FILIP1L: variants seen among roughly 807,000 people sequenced by gnomAD.
FILIP1L encodes filamin A interacting protein 1 like, also known as filamin A-interacting protein 1-like.
FILIP1L carries 55 observed loss-of-function variants against 96.6 expected under a neutral mutation model. The ratio of observed to expected loss-of-function variants is 0.57; its 90% CI spans 0.46 to 0.71. FILIP1L has a LOEUF of 0.71. Among genes scored for constraint, FILIP1L ranks in the 30% least tolerant of loss-of-function variants. The probability of loss-of-function intolerance (pLI) is 0.00; values close to 1 mark genes in which losing one functional copy is unlikely to be tolerated. For synonymous variants in FILIP1L, 467 were observed against 473.9 expected, an observed-to-expected ratio of 0.99 and a Z score of 0.19; for missense variants, 1,304 against 1,321.2, an observed-to-expected ratio of 0.99 and a Z score of 0.20.
At chr3:99,876,149 G>C in intron 4 of FILIP1L, 1 of 986,112 alleles carries the variant, frequency 1.0e-6, no homozygotes, top group Non-Finnish European at 1.2e-6. Flanking sequence ...GACTGTGCGC[G>C]CTCCGAGAGT....
At chr3:99,975,829 C>G (rs1355933968) in intron 1 of FILIP1L, among the ~76,000 whole-genome samples, 4 of 152,158 alleles carry the variant, frequency 2.6e-5, no homozygotes, top group African/African-American at 9.7e-5. Context: ...TTAGAACAAT[C>G]AACAGCATCC....
At chr3:100,091,284 C>CAAAAAA (rs570908389) in intron 1 of FILIP1L, among the ~76,000 whole-genome samples, 2 of 59,100 alleles carry the variant, frequency 3.4e-5, no homozygotes, top group African/African-American at 6.1e-5. Context: ...GACTCCGTCT[C>CAAAAAA]AAAAAAAAAA....
intron 1 of FILIP1L, among the ~76,000 whole-genome samples, chr3:99,997,003 C>T (rs1709704995): frequency 6.6e-6 from 1 of 152,100 alleles, no homozygotes. Context: ...ACAAGCAGTG[C>T]TAAATGGAAA....
At chr3:99,986,080 T>C (rs941360592) in intron 1 of FILIP1L, among the ~76,000 whole-genome samples, 11 of 152,192 alleles carry the variant, frequency 7.2e-5, no homozygotes, top group African/African-American at 2.7e-4. Context: ...CTATAAGATA[T>C]TAAAATTTAT....
At chr3:99,875,594 G>A (rs1346195338) in intron 4 of FILIP1L, among the ~76,000 whole-genome samples, 1 of 152,172 alleles carries the variant, frequency 6.6e-6, no homozygotes, top group African/African-American at 2.4e-5. Context: ...ATTCCAAGAT[G>A]TATTCCTAAC....
intron 5 of FILIP1L, among the ~76,000 whole-genome samples, chr3:99,842,527 C>T (rs1378235066): frequency 1.3e-5 from 2 of 149,338 alleles, no homozygotes; most frequent in Non-Finnish European, 3.0e-5. Flanking sequence ...AAAAGATGGT[C>T]TCAGGTAACC....
chr3:99,844,273 T>C (rs991712231), intron 5 of FILIP1L, among the ~76,000 whole-genome samples: 6 of 152,168 alleles, frequency 3.9e-5, no homozygotes, highest in African/African-American at 1.4e-4. Flanking sequence ...GAGGTTCTCA[T>C]TGGATAGCTC....
intron 1 of FILIP1L, among the ~76,000 whole-genome samples, chr3:100,069,234 G>A (rs183144847): frequency 2.6e-4 from 40 of 152,206 alleles, no homozygotes; most frequent in African/African-American, 9.6e-4. Flanking sequence ...TCTGCACATG[G>A]ATGTTAGTTG....
intron 1 of FILIP1L, among the ~76,000 whole-genome samples, chr3:100,067,276 T>A (rs2065682928): frequency 6.6e-6 from 1 of 152,220 alleles, no homozygotes; most frequent in Admixed American, 6.5e-5. Flanking sequence ...TGACCTTTTC[T>A]CTCTTCTTGG....
intron 1 of FILIP1L, among the ~76,000 whole-genome samples, chr3:99,936,153 T>C (rs1707658892): frequency 6.6e-6 from 1 of 152,104 alleles, no homozygotes; most frequent in Non-Finnish European, 1.5e-5. Flanking sequence ...TTGTATCAAG[T>C]AAGTGAAAAG....
intron 1 of FILIP1L, among the ~76,000 whole-genome samples, chr3:100,065,453 C>T (rs2065647783): frequency 1.3e-5 from 2 of 152,134 alleles, no homozygotes; most frequent in South Asian, 4.1e-4. Flanking sequence ...AGATTCAATC[C>T]CAGTTCTGTT....
intron 4 of FILIP1L, among the ~76,000 whole-genome samples, chr3:99,890,937 A>G (rs1316947805): frequency 2.0e-5 from 3 of 152,146 alleles, no homozygotes; most frequent in African/African-American, 7.2e-5. Flanking sequence ...AGTTGAAGGT[A>G]GTTTCCTCTA....
intron 1 of FILIP1L, among the ~76,000 whole-genome samples, chr3:100,034,330 T>C (rs2107269374): frequency 6.6e-6 from 1 of 152,278 alleles, no homozygotes; most frequent in African/African-American, 2.4e-5. Flanking sequence ...ATGGCAGCAG[T>C]AAGAAGTTAT....
At chr3:99,830,977 A>G (rs1450352372) in intron 5 of FILIP1L, among the ~76,000 whole-genome samples, 1 of 152,228 alleles carries the variant, frequency 6.6e-6, no homozygotes, top group Non-Finnish European at 1.5e-5. Context: ...TTCATGAAGA[A>G]TATGGCATTT....
chr3:100,047,734 T>A (rs1220656946), intron 1 of FILIP1L, among the ~76,000 whole-genome samples: 2 of 152,132 alleles, frequency 1.3e-5, no homozygotes, highest in African/African-American at 4.8e-5. Flanking sequence ...CTCAATCAAA[T>A]CATTTCACCT....
At chr3:100,067,835 A>G (rs2065692607) in intron 1 of FILIP1L, among the ~76,000 whole-genome samples, 1 of 152,216 alleles carries the variant, frequency 6.6e-6, no homozygotes, top group Admixed American at 6.5e-5. Flanking sequence ...ATGGCCACCC[A>G]GGAGGACTCT....
chr3:99,880,298 G>A (rs533136447), intron 4 of FILIP1L, among the ~76,000 whole-genome samples: 1 of 152,248 alleles, frequency 6.6e-6, no homozygotes, highest in South Asian at 2.1e-4. Flanking sequence ...ATACCCACAT[G>A]AAATATACCA....
chr3:100,010,552 C>T (rs988134662), intron 1 of FILIP1L, among the ~76,000 whole-genome samples: 1 of 151,832 alleles, frequency 6.6e-6, no homozygotes, highest in African/African-American at 2.4e-5. Flanking sequence ...TCTGGCATTC[C>T]TCAACATGTT....
chr3:99,955,563 T>C (rs748564659), intron 1 of FILIP1L, among the ~76,000 whole-genome samples: 1 of 152,182 alleles, frequency 6.6e-6, no homozygotes, highest in Non-Finnish European at 1.5e-5. Flanking sequence ...TAACAAGATA[T>C]ACAGCCAAAG....
Sources: gnomAD v4.1 joint callset for allele counts (sites outside exome capture counted in the v4.1 genomes callset) on GRCh38, gnomAD v4.1.1 for gene constraint, MANE v1.5 for transcripts, NCBI Gene and HGNC (gene_info 2026-07-23, HGNC 2026-07-21) for gene names.